The following LRP6 variants were observed in gnomAD, a reference collection of about 807,000 sequenced individuals.
The protein encoded by LRP6 is low-density lipoprotein receptor-related protein 6.
In LRP6, 43 loss-of-function variants were observed where a neutral mutation model predicts 184.1. That is an observed-to-expected ratio of 0.23 (90% confidence interval 0.18 to 0.30). The LOEUF (loss-of-function observed/expected upper bound fraction) is 0.30, where lower values mean the gene tolerates loss of function less well. Ranked by LOEUF, LRP6 falls within the 10% of genes least tolerant of loss-of-function variation. The pLI, the probability that LRP6 is intolerant of heterozygous loss-of-function variation, is 1.00. For synonymous variants in LRP6, 719 were observed against 684.9 expected, an observed-to-expected ratio of 1.05 and a Z score of -0.78; for missense variants, 1,571 against 2,005.3, an observed-to-expected ratio of 0.78 and a Z score of 4.14.
chr12:12,256,730 C>A (rs893477842), intron 1 of LRP6, among the ~76,000 whole-genome samples: 3 of 151,946 alleles, frequency 2.0e-5, no homozygotes, highest in African/African-American at 7.2e-5. Flanking sequence ...CACTTGAACC[C>A]AGGAGGCAGA....
intron 3 of LRP6, among the ~76,000 whole-genome samples, chr12:12,197,888 C>CA (rs1219890560): frequency 1.3e-5 from 2 of 152,126 alleles, no homozygotes; most frequent in African/African-American, 4.8e-5. Context: ...ACTAAAAATA[C>CA]AAAAAATTAG....
intron 3 of LRP6, among the ~76,000 whole-genome samples, chr12:12,191,088 T>C (rs1197031615): frequency 1.3e-5 from 2 of 152,142 alleles, no homozygotes; most frequent in African/African-American, 4.8e-5. Context: ...CAGACAACAT[T>C]GGAAAGCTTA....
At chr12:12,180,401 G>A (rs1462455562) in intron 6 of LRP6, among the ~76,000 whole-genome samples, 2 of 152,030 alleles carry the variant, frequency 1.3e-5, no homozygotes, top group African/African-American at 4.8e-5. Context: ...TCTTCCTGCA[G>A]TGCTAAGTGA....
chr12:12,243,632 C>A (rs951363539), intron 2 of LRP6, among the ~76,000 whole-genome samples: 1 of 152,198 alleles, frequency 6.6e-6, no homozygotes, highest in Non-Finnish European at 1.5e-5. Context: ...ACACAACACA[C>A]TGGGCACAGT....
At chr12:12,243,659 C>G (rs1284189736) in intron 2 of LRP6, among the ~76,000 whole-genome samples, 1 of 152,168 alleles carries the variant, frequency 6.6e-6, no homozygotes, top group African/African-American at 2.4e-5. Context: ...CACCTGTAAT[C>G]CCAGCACTTG....
At chr12:12,197,038 A>G (rs1484096298) in intron 3 of LRP6, among the ~76,000 whole-genome samples, 3 of 152,240 alleles carry the variant, frequency 2.0e-5, no homozygotes, top group African/African-American at 7.2e-5. Flanking sequence ...GAAAAGCAGG[A>G]TAAATTGCTT....
At chr12:12,197,539 C>T (rs1280686432) in intron 3 of LRP6, among the ~76,000 whole-genome samples, 2 of 152,096 alleles carry the variant, frequency 1.3e-5, no homozygotes, top group East Asian at 1.9e-4. Context: ...ACCTAATAAG[C>T]GCATACTAGT....
intron 16 of LRP6, among the ~76,000 whole-genome samples, chr12:12,135,833 T>C (rs766712152): frequency 4.6e-5 from 7 of 152,108 alleles, no homozygotes; most frequent in Non-Finnish European, 7.3e-5. Context: ...TTTAAGATAA[T>C]GGTAAAGCTC....
chr12:12,246,088 C>T (rs1365549218), intron 1 of LRP6, among the ~76,000 whole-genome samples: 12 of 148,776 alleles, frequency 8.1e-5, no homozygotes, highest in African/African-American at 3.0e-4. Flanking sequence ...CTGCAGCCTC[C>T]GCCTCCCAGG....
At chr12:12,263,402 C>A (rs1215705362) in intron 1 of LRP6, among the ~76,000 whole-genome samples, 1 of 151,062 alleles carries the variant, frequency 6.6e-6, no homozygotes, top group African/African-American at 2.4e-5. Context: ...AGTGAAACCC[C>A]GTCTCTACTA....
chr12:12,205,329 C>A (rs12306998), intron 2 of LRP6, among the ~76,000 whole-genome samples: 6,736 of 38,556 alleles, frequency 0.17, 341 homozygotes, highest in African/African-American at 0.25. Flanking sequence ...CTCAAACAAA[C>A]AAAAAAAAAA....
chr12:12,171,541 AAATAAAT>A (rs1451521892), intron 7 of LRP6, among the ~76,000 whole-genome samples: 4 of 5,114 alleles, frequency 7.8e-4, no homozygotes, highest in African/African-American at 2.1e-3. Context: ...TAAAATAAAT[AAATAAAT>A]AAATAAATAA....
intron 3 of LRP6, among the ~76,000 whole-genome samples, chr12:12,198,530 CTTTTTTTTTTT>C (rs56150307): frequency 3.9e-5 from 3 of 76,992 alleles, no homozygotes; most frequent in Non-Finnish European, 5.0e-5. Context: ...GAATTTTTCT[CTTTTTTTTTTT>C]TTTTTTTTTT....
chr12:12,171,313 A>G (rs925293741), intron 7 of LRP6, among the ~76,000 whole-genome samples: 19 of 152,218 alleles, frequency 1.2e-4, no homozygotes, highest in South Asian at 6.2e-4. Context: ...TCAGGAGATC[A>G]AGACCATCCT....
intron 3 of LRP6, among the ~76,000 whole-genome samples, chr12:12,195,520 C>A (rs755073880): frequency 2.5e-4 from 38 of 151,972 alleles, no homozygotes; most frequent in Non-Finnish European, 5.2e-4. Context: ...CTATTCGGAT[C>A]ATTTCCCCAT....
At chr12:12,124,963 T>C (rs1398008310) in intron 21 of LRP6, among the ~76,000 whole-genome samples, 1 of 152,230 alleles carries the variant, frequency 6.6e-6, no homozygotes, top group Non-Finnish European at 1.5e-5. Context: ...AGAAAAATTA[T>C]TGATTTAGGA....
intron 2 of LRP6, among the ~76,000 whole-genome samples, chr12:12,229,378 AAAAAAAAAAG>A (rs1304287627): frequency 1.5e-5 from 2 of 130,088 alleles, no homozygotes; most frequent in African/African-American, 5.1e-5. Flanking sequence ...TTCAAAAAAA[AAAAAAAAAAG>A]AAGAAGAAGA....
chr12:12,127,512 C>T (rs1205615911), intron 19 of LRP6, among the ~76,000 whole-genome samples: 1 of 152,170 alleles, frequency 6.6e-6, no homozygotes, highest in Non-Finnish European at 1.5e-5. Flanking sequence ...GGCCTTCAGG[C>T]TGTCTAGTTG....
intron 1 of LRP6, among the ~76,000 whole-genome samples, chr12:12,256,353 T>C (rs1307654912): frequency 8.6e-6 from 1 of 116,490 alleles, no homozygotes; most frequent in African/African-American, 3.3e-5. Context: ...AGCCCAGGAG[T>C]TCAAGGCCAG....
Sources: gnomAD v4.1 joint callset for allele counts (sites outside exome capture counted in the v4.1 genomes callset) on GRCh38, gnomAD v4.1.1 for gene constraint, MANE v1.5 for transcripts, NCBI Gene and HGNC (gene_info 2026-07-23, HGNC 2026-07-21) for gene names.